Variants in STK39 observed in about 807,000 individuals in gnomAD.
STK39 encodes the protein STE20/SPS1-related proline-alanine-rich protein kinase.
Under a neutral mutation model 77.8 loss-of-function variants are expected in STK39, and 20 were observed. The ratio of observed to expected loss-of-function variants is 0.26; its 90% CI spans 0.18 to 0.37. STK39 has a LOEUF of 0.37. STK39 is among the 10% of genes least tolerant of loss of function. The pLI is 1.00. For missense variants in STK39, 479 were observed against 656.5 expected (o/e 0.73, Z 2.95); for synonymous variants, 246 against 234.1 (o/e 1.05, Z -0.47).
chr2:168,077,562 AC>A (rs964596119), intron 10 of STK39, among the ~76,000 whole-genome samples: 6 of 152,226 alleles, frequency 3.9e-5, no homozygotes, highest in Non-Finnish European at 8.8e-5. Context: ...ACAAATGTTG[AC>A]CAAATTAAGA....
intron 2 of STK39, among the ~76,000 whole-genome samples, chr2:168,177,124 A>G (rs1399460861): frequency 6.6e-6 from 1 of 152,174 alleles, no homozygotes; most frequent in Non-Finnish European, 1.5e-5. Flanking sequence ...ATCAACATTC[A>G]TCACTTTTTT....
rs534490369 is a variant in STK39, at chr2:168,213,515, G to A, written c.209-31425C>T. On this transcript the variant is annotated intron_variant, in intron 1 of 17. Transcript: ENST00000355999. Reference sequence around the variant, plus strand: ...AGCCTGGGCAAAATAGCAAAACCCTGTCTCTACAAAAAACAAAAACATTAG... The same window carrying A: ...AGCCTGGGCAAAATAGCAAAACCCTATCTCTACAAAAAACAAAAACATTAG... 2.1e-4 allele frequency among the ~76,000 whole-genome samples: 32 copies of A among 151,802 alleles called. No homozygotes were observed. The East Asian group carries it at 6.2e-3, about 29-fold the overall frequency.
At chr2:168,161,762 A>G (rs1431732719) in intron 5 of STK39, 25 bp downstream of exon 5, 1 of 1,581,604 alleles carries the variant, frequency 6.3e-7, no homozygotes, top group Non-Finnish European at 8.6e-7. Flanking sequence ...ATCAAGTAAA[A>G]AATTTTTCTA....
intron 14 of STK39, among the ~76,000 whole-genome samples, chr2:168,058,900 A>G (rs976299156): frequency 6.6e-6 from 1 of 152,028 alleles, no homozygotes; most frequent in Non-Finnish European, 1.5e-5. Context: ...AGATCATATC[A>G]CTCTTTTGCT....
chr2:168,156,670 ACAC>A (rs1688437267), intron 5 of STK39, among the ~76,000 whole-genome samples: 2 of 152,262 alleles, frequency 1.3e-5, no homozygotes, highest in South Asian at 4.1e-4. Flanking sequence ...TATTCTCATT[ACAC>A]AAACGTGCAA....
chr2:167,988,968 C>A (rs1041288355), intron 16 of STK39, among the ~76,000 whole-genome samples: 3 of 152,202 alleles, frequency 2.0e-5, no homozygotes, highest in Admixed American at 6.5e-5. Context: ...AAGGCATCCT[C>A]AAGCCCCAGA....
rs537871921 is a variant in STK39, at chr2:168,222,281, A to G, written c.208+24947T>C. Among the ~76,000 whole-genome samples the G allele has an allele frequency of 9.2e-5, 14 of 152,316 alleles. No homozygotes were observed. In the East Asian group the frequency reaches 2.3e-3, roughly 25 times the overall value. On this transcript the variant is annotated intron_variant, in intron 1 of 17. Transcript: ENST00000355999. ...TGTCAGCACTTTAGCATTAATGCTA[A>G]TAACTTTTCTAAACCTCCCAATGTC... is the stretch of plus-strand genomic sequence containing the variant.
intron 16 of STK39, among the ~76,000 whole-genome samples, chr2:168,007,824 G>T (rs1186304168): frequency 1.3e-5 from 2 of 152,092 alleles, no homozygotes; most frequent in Non-Finnish European, 2.9e-5. Flanking sequence ...GGTGATTGTG[G>T]GTGGAGAACC....
chr2:168,221,668 A>C (rs1349031681), intron 1 of STK39, among the ~76,000 whole-genome samples: 1 of 152,140 alleles, frequency 6.6e-6, no homozygotes, highest in African/African-American at 2.4e-5. Flanking sequence ...TCCACCAGAG[A>C]ATTACCTCAA....
intron 1 of STK39, among the ~76,000 whole-genome samples, chr2:168,238,403 C>G (rs1279245250): frequency 1.3e-5 from 2 of 152,276 alleles, no homozygotes; most frequent in East Asian, 3.9e-4. Context: ...TGAGCACCCC[C>G]AATACTAGGC....
At position 168,044,112 on chromosome 2, in the gene STK39, CT is replaced by C. The variant is rs562814758; in HGVS notation, c.1376+19387del. 1.5e-4 allele frequency among the ~76,000 whole-genome samples: 23 copies of C among 152,206 alleles called. 1 individual carries two copies. The East Asian group carries it at 3.9e-3, about 26-fold the overall frequency. Reference sequence around the variant, plus strand: ...AAAATGTATCACTTTTATATGGCTCCTTTTTTTCATGAAGTAGGCAGCAGCA... The same window carrying C: ...AAAATGTATCACTTTTATATGGCTCCTTTTTTCATGAAGTAGGCAGCAGCA... On this transcript the variant is annotated intron_variant, in intron 14 of 17. Transcript: ENST00000355999.
chr2:168,121,952 G>C (rs1179114136), intron 10 of STK39, among the ~76,000 whole-genome samples: 1 of 152,172 alleles, frequency 6.6e-6, no homozygotes, highest in South Asian at 2.1e-4. Context: ...TTCCAGACCA[G>C]GCATAGAGAC....
intron 1 of STK39, among the ~76,000 whole-genome samples, chr2:168,218,196 T>C (rs1000907425): frequency 1.1e-4 from 17 of 152,124 alleles, no homozygotes; most frequent in Non-Finnish European, 1.0e-4. Context: ...AACCCCACAC[T>C]CTAACAAAGC....
rs1559085019 is a variant in STK39 at position 168,075,667 on chromosome 2, A to G, written c.1090-436T>C. Reference sequence around the variant, plus strand: ...GAAATCAGGAAGCCTAATGACGCATACTAGACCATGGGTATTGGCAATCTA... The same window carrying G: ...GAAATCAGGAAGCCTAATGACGCATGCTAGACCATGGGTATTGGCAATCTA... On this transcript the variant is annotated intron_variant, in intron 10 of 17. Transcript: ENST00000355999. 2.6e-5 allele frequency among the ~76,000 whole-genome samples: 4 copies of G among 151,856 alleles called. No individual in the cohort carries two copies. The South Asian group carries it at 8.4e-4, about 32-fold the overall frequency.
intron 5 of STK39, among the ~76,000 whole-genome samples, chr2:168,149,216 A>C (rs1688218868): frequency 6.6e-6 from 1 of 152,188 alleles, no homozygotes; most frequent in South Asian, 2.1e-4. Flanking sequence ...AGGCCCTTGC[A>C]GTGAAGTTTT....
At chr2:168,119,547 G>A (rs898419374) in intron 10 of STK39, among the ~76,000 whole-genome samples, 1 of 152,176 alleles carries the variant, frequency 6.6e-6, no homozygotes, top group Non-Finnish European at 1.5e-5. Flanking sequence ...GCCCAGTAAA[G>A]TAGCACCCTA....
rs535873587 is a variant in STK39, at chr2:168,136,235, GAC to G, written c.974+1851_974+1852del. ...ACAAAAAAAATTAGCCTGGCGTGGT[GAC>G]ACACGCCTGTAGTCCCAACTACTCG... On this transcript the variant is annotated intron_variant, in intron 8 of 17. Transcript: ENST00000355999. Among the ~76,000 whole-genome samples the G allele has an allele frequency of 4.2e-3, 635 of 151,940 alleles. 6 individuals are homozygous for G. Among genetic ancestry groups the G allele is most frequent in the African/African-American group, 0.015 (611 of 41,448 alleles).
At chr2:168,018,592 AAG>A (rs1193153981) in intron 14 of STK39, among the ~76,000 whole-genome samples, 1 of 149,800 alleles carries the variant, frequency 6.7e-6, no homozygotes, top group African/African-American at 2.4e-5. Flanking sequence ...GAAAGAAAGA[AAG>A]AAAGAAATTG....
In STK39 at chr2:168,022,074, T is replaced by C. The variant is rs546871265; in HGVS notation, c.1377-4979A>G. Among the ~76,000 whole-genome samples the C allele has an allele frequency of 5.3e-5, 8 of 152,320 alleles. 1 individual carries two copies. Among genetic ancestry groups the C allele is most frequent in the African/African-American group, 7.2e-5 (3 of 41,582 alleles). On this transcript the variant is annotated intron_variant, in intron 14 of 17. Transcript: ENST00000355999. ...ATAATACCATCTTGGAATTTCTCCA[T>C]GTTAGTTTGTAGAGAGTTTTCTCAT...
Sources: gnomAD v4.1 joint callset for allele counts (sites outside exome capture counted in the v4.1 genomes callset) on GRCh38, gnomAD v4.1.1 for gene constraint, MANE v1.5 for transcripts, NCBI Gene and HGNC (gene_info 2026-07-23, HGNC 2026-07-21) for gene names.